The following ZNF69 variants were observed in gnomAD, a reference collection of about 807,000 sequenced individuals.
ZNF69 encodes the protein zinc finger protein 69.
ZNF69 carries 47 observed loss-of-function variants against 50.9 expected under a neutral mutation model. That is an observed-to-expected ratio of 0.92 (90% CI 0.73 to 1.18). ZNF69 has a LOEUF of 1.18. ZNF69 is among the 50% of genes most tolerant of loss of function. ZNF69 has a pLI of 0.00. For synonymous variants in ZNF69, 216 were observed against 223.1 expected (o/e 0.97, Z 0.29); for missense variants, 717 against 675.1 (o/e 1.06, Z -0.69).
chr19:11,902,059 G>A (rs770190694), intron 1 of ZNF69, among the ~76,000 whole-genome samples: 29 of 136,894 alleles, frequency 2.1e-4, no homozygotes, highest in Non-Finnish European at 4.3e-4. Context: ...TTGGCTCACC[G>A]CAACCTCCTG....
chr19:11,949,995 C>T, the ZNF69 span: 1 of 1,614,080 alleles, frequency 6.2e-7, no homozygotes, highest in South Asian at 1.1e-5. Context: ...AAAAAGCATT[C>T]TGTAAATTCT....
At position 11,904,629 on chromosome 19, in the gene ZNF69, G is replaced by A. The variant is rs1368336992; in HGVS notation, c.252-20G>A. The stretch of plus-strand genomic sequence containing the variant: ...TACTTATAAACAAACCCTTTGTAAT[G>A]TGCTTCTCATTTTTGACAGGAGTCT... On this transcript the variant is annotated intron_variant, in intron 3 of 3. Coordinates refer to ENST00000429654, the MANE Select transcript of ZNF69 (RefSeq NM_001364730.1). 1 of 1,606,524 alleles carries A rather than the reference G, an allele frequency of 6.2e-7. No homozygotes were observed. The highest frequency in any genetic ancestry group is 1.3e-5 in the African/African-American group (1 of 74,162).
In ZNF69 at chr19:11,903,835, G is replaced by T. The variant is rs368973452; in HGVS notation, c.191-70G>T. On this transcript the variant is annotated intron_variant, in intron 2 of 3. Coordinates refer to ENST00000429654, the MANE Select transcript of ZNF69 (RefSeq NM_001364730.1). ...GAGGTATGGCTGCAGTAAATCATGG[G>T]CATAGAATCTAATAATTTTTTCACA... is the stretch of plus-strand genomic sequence containing the variant. 3.7e-4 allele frequency: 600 copies of T among 1,606,502 alleles called. 2 individuals carry two copies. In the African/African-American group the frequency reaches 7.0e-3, roughly 19 times the overall value.
the ZNF69 span, among the ~76,000 whole-genome samples, chr19:11,945,222 G>A: frequency 3.3e-5 from 5 of 152,334 alleles, 1 homozygote; most frequent in South Asian, 1.0e-3. Context: ...AAGGTTCCCA[G>A]CACCCCTCTT....
the ZNF69 span, chr19:11,947,241 G>C: frequency 4.3e-6 from 7 of 1,614,048 alleles, no homozygotes; most frequent in African/African-American, 9.3e-5. Flanking sequence ...GACATTGCTG[G>C]ATATTTCCCA....
the ZNF69 span, among the ~76,000 whole-genome samples, chr19:11,963,512 T>G: frequency 6.6e-6 from 1 of 152,140 alleles, no homozygotes; most frequent in Non-Finnish European, 1.5e-5. Flanking sequence ...AGCGTTCACT[T>G]TTCTTTCCAT....
chr19:11,974,064 C>G, the ZNF69 span, among the ~76,000 whole-genome samples: 2 of 142,414 alleles, frequency 1.4e-5, no homozygotes, highest in Non-Finnish European at 3.0e-5. Flanking sequence ...TTCTTTCCTT[C>G]TTTCTTTTCT....
At chr19:11,892,830 C>T (rs1977129671) in intron 1 of ZNF69, among the ~76,000 whole-genome samples, 1 of 152,012 alleles carries the variant, frequency 6.6e-6, no homozygotes, top group Non-Finnish European at 1.5e-5. Context: ...ATTTGAATTA[C>T]TTTGTTGTTT....
the ZNF69 span, among the ~76,000 whole-genome samples, chr19:11,961,263 T>C: frequency 6.6e-6 from 1 of 152,174 alleles, no homozygotes; most frequent in Non-Finnish European, 1.5e-5. Flanking sequence ...CTCCAACATG[T>C]GAGGACAAAG....
chr19:11,936,332 C>G, the ZNF69 span, among the ~76,000 whole-genome samples: 1 of 152,202 alleles, frequency 6.6e-6, no homozygotes, highest in Non-Finnish European at 1.5e-5. Context: ...TATTTCTCCA[C>G]ATCCTCTCCA....
chr19:11,966,064 C>A, the ZNF69 span, among the ~76,000 whole-genome samples: 1 of 152,016 alleles, frequency 6.6e-6, no homozygotes, highest in Admixed American at 6.6e-5. Flanking sequence ...CCATCCCAGC[C>A]AAAAAACAGA....
chr19:11,891,381 A>G (rs1977083557), intron 1 of ZNF69, among the ~76,000 whole-genome samples: 1 of 151,714 alleles, frequency 6.6e-6, no homozygotes, highest in African/African-American at 2.4e-5. Context: ...TATTAAAAAA[A>G]AAAAAAAAGA....
At chr19:11,896,381 C>A (rs933747174) in intron 1 of ZNF69, among the ~76,000 whole-genome samples, 1 of 151,954 alleles carries the variant, frequency 6.6e-6, no homozygotes, top group African/African-American at 2.4e-5. Context: ...TCTTAGTCAT[C>A]TTGGGCTGCT....
the ZNF69 span, chr19:11,956,789 G>A: frequency 2.7e-6 from 1 of 375,756 alleles, no homozygotes; most frequent in Non-Finnish European, 4.7e-6. Flanking sequence ...TCGGGGCGGA[G>A]GCTGCAGTGA....
At chr19:11,979,900 A>G in the ZNF69 span, 1 of 1,393,910 alleles carries the variant, frequency 7.2e-7, no homozygotes, top group Non-Finnish European at 1.0e-6. Context: ...GACCTTATAA[A>G]TGTAAGATAT....
At chr19:11,896,661 A>T (rs1462921694) in intron 1 of ZNF69, among the ~76,000 whole-genome samples, 1 of 152,110 alleles carries the variant, frequency 6.6e-6, no homozygotes, top group African/African-American at 2.4e-5. Context: ...CTTTTCAGAG[A>T]TGTCAACTTC....
At chr19:11,924,722 C>G in the ZNF69 span, among the ~76,000 whole-genome samples, 1 of 152,100 alleles carries the variant, frequency 6.6e-6, no homozygotes, top group African/African-American at 2.4e-5. Context: ...TGCAGTCGTG[C>G]CTGGCCTGGT....
chr19:11,952,090 G>A, the ZNF69 span, among the ~76,000 whole-genome samples: 3 of 152,102 alleles, frequency 2.0e-5, no homozygotes, highest in Admixed American at 6.5e-5. Flanking sequence ...CAGGAGAATC[G>A]CTTGAATCTC....
At chr19:11,903,518 G>GC in intron 1 of ZNF69, 55 bp from the exon 2 acceptor site, 4 of 1,607,580 alleles carry the variant, frequency 2.5e-6, no homozygotes, top group Non-Finnish European at 3.4e-6. Flanking sequence ...TAGAGTCTAG[G>GC]CCCCCAGTGC....
Sources: gnomAD v4.1 joint callset for allele counts (sites outside exome capture counted in the v4.1 genomes callset) on GRCh38, gnomAD v4.1.1 for gene constraint, MANE v1.5 for transcripts, NCBI Gene and HGNC (gene_info 2026-07-23, HGNC 2026-07-21) for gene names.